Variants in MLKL observed in about 807,000 individuals in gnomAD.
MLKL encodes the protein mixed lineage kinase domain like pseudokinase, also known as mixed lineage kinase domain-like protein.
A neutral mutation model predicts 56.5 loss-of-function variants in MLKL; 55 were observed. That is an observed-to-expected ratio of 0.97 (90% CI 0.78 to 1.22). MLKL has a LOEUF of 1.22. Ranked by LOEUF, MLKL falls within the 50% of genes most tolerant of loss-of-function variation. The pLI is 0.00. For missense variants in MLKL, 694 were observed against 573.9 expected (o/e 1.21, Z -2.14); for synonymous variants, 251 against 208.3 (o/e 1.20, Z -1.76).
Position 74,672,155 on chromosome 16 carries a change from G to T in MLKL, c.*349C>A. 4.8e-6 allele frequency: 1 copy of T among 210,066 alleles called. No homozygotes were observed. Among genetic ancestry groups the T allele is most frequent in the Non-Finnish European group, 9.6e-6 (1 of 103,838 alleles). 13.0% of individuals were successfully genotyped at this position (210,066 alleles called of 1,614,324 possible). A position where few individuals can be genotyped will look rare whatever the true frequency, so the allele number is the denominator to read the frequency against. ...ACAGTCACTTCTTCCACATTCTATT[G>T]ATCAAATCAAGTCACAGTGCCAGCC... is the stretch of plus-strand genomic sequence containing the variant. On this transcript the variant is annotated 3_prime_UTR_variant, in exon 11 of 11. Transcript: ENST00000308807.
chr16:74,672,612 T>C (rs2144433018), intron 10 of MLKL, 74 bp from the exon 11 acceptor site: 1 of 1,366,214 alleles, frequency 7.3e-7, no homozygotes, highest in Non-Finnish European at 1.0e-6. Context: ...AAGACATTTC[T>C]ACATTGCACA....
chr16:74,694,467 G>A (rs1431079867), intron 2 of MLKL, among the ~76,000 whole-genome samples: 1 of 151,980 alleles, frequency 6.6e-6, no homozygotes, highest in Non-Finnish European at 1.5e-5. Context: ...GTGCAATGGA[G>A]AAATCGTGGC....
rs982972897 is a variant in MLKL at position 74,682,866 on chromosome 16, C to A, written c.821-80G>T. 47 of 1,527,548 alleles carry A rather than the reference C, an allele frequency of 3.1e-5. 1 individual carries two copies. The South Asian group carries it at 5.5e-4, about 18-fold the overall frequency. 94.6% of individuals were successfully genotyped at this position (1,527,548 alleles called of 1,614,324 possible). On this transcript the variant is annotated intron_variant, in intron 5 of 10. Transcript: ENST00000308807. ...GTCTGCAGCCCACCTCTCCCAGCCT[C>A]GGTACAGATACAGACTTGGCTCTGC...
rs927002963 is a variant in MLKL at position 74,675,220 on chromosome 16, C to A, written c.1241-120G>T. 3 of 1,549,850 alleles carry A rather than the reference C, an allele frequency of 1.9e-6. No homozygotes were observed. The African/African-American group carries it at 4.1e-5, about 21-fold the overall frequency. Reference sequence around the variant, plus strand: ...GTATGGAAACAACAAGAACTTCCAACGATTCCACTGACCAGCCCAGGCAGT... The same window carrying A: ...GTATGGAAACAACAAGAACTTCCAAAGATTCCACTGACCAGCCCAGGCAGT... On this transcript the variant is annotated intron_variant, in intron 9 of 10. Transcript: ENST00000308807.
At position 74,695,436 on chromosome 16, in the gene MLKL, C is replaced by T; in HGVS notation, c.322G>A (p.Val108Ile). 2 of 1,614,228 alleles carry T rather than the reference C, an allele frequency of 1.2e-6. No homozygotes were observed. Among genetic ancestry groups the T allele is most frequent in the Non-Finnish European group, 1.7e-6 (2 of 1,180,048 alleles). The stretch of plus-strand genomic sequence containing the variant: ...AGTAACAGCGAGAGCTCCTTCCAGA[C>T]ATCACTCAGCTTCCTGTTCACGTCC... ...FKDVNRKLSDVWKELSLLLQV... is the reference protein window; with the variant it reads ...FKDVNRKLSDIWKELSLLLQV... The change falls in exon 2 of 11, where the codon GTC becomes ATC. Residue 108 changes from valine to isoleucine, a missense_variant. Coordinates refer to ENST00000308807, the MANE Select transcript of MLKL (RefSeq NM_152649.4).
intron 1 of MLKL, among the ~76,000 whole-genome samples, chr16:74,698,080 C>T (rs1961159075): frequency 6.6e-6 from 1 of 151,868 alleles, no homozygotes; most frequent in Non-Finnish European, 1.5e-5. Flanking sequence ...TGGTGCTTGC[C>T]TGTAGTCCCA....
intron 4 of MLKL, among the ~76,000 whole-genome samples, chr16:74,690,145 T>C (rs1360827771): frequency 1.3e-5 from 2 of 152,060 alleles, no homozygotes; most frequent in Non-Finnish European, 2.9e-5. Flanking sequence ...AAAACCCAAA[T>C]AACTAAAACA....
intron 2 of MLKL, among the ~76,000 whole-genome samples, chr16:74,692,948 T>C (rs1290505434): frequency 6.6e-6 from 1 of 152,248 alleles, no homozygotes; most frequent in African/African-American, 2.4e-5. Flanking sequence ...CAGCCATCCC[T>C]GTCTGCCCAG....
Position 74,676,123 on chromosome 16 carries a change from C to T in MLKL, c.1039-359G>A, listed in dbSNP as rs559704399. The T allele has an allele frequency of 4.9e-4, 196 of 398,290 alleles. 1 individual carries two copies. The highest frequency in any genetic ancestry group is 4.5e-3 in the Middle Eastern group (4 of 882). 24.7% of individuals were successfully genotyped at this position (398,290 alleles called of 1,614,324 possible). A position where few individuals can be genotyped will look rare whatever the true frequency, so the allele number is the denominator to read the frequency against. On this transcript the variant is annotated intron_variant, in intron 7 of 10. Transcript: ENST00000308807. ...TCTCAGTTGAGGACTGAACTCCACT[C>T]AGTGAGAGTGGAGAGGGGTCATAGA...
Position 74,695,524 on chromosome 16 carries a change from C to G in MLKL, c.234G>C (p.Lys78Asn), listed in dbSNP as rs767010693. 2.5e-6 allele frequency: 4 copies of G among 1,614,214 alleles called. No individual in the cohort carries two copies. Among genetic ancestry groups the G allele is most frequent in the South Asian group, 1.1e-5 (1 of 91,082 alleles). ...ALEEANGEIE[K>N]FSNRSNICRF... ...TGCAGATATTGGATCTATTGCTGAA[C>G]TTTTCTATCTCCCCATTAGCCTCCT... The change falls in exon 2 of 11, where the codon AAG (lysine) becomes AAC (asparagine). Residue 78 changes from lysine to asparagine, a missense_variant. Transcript: ENST00000308807.
chr16:74,691,447 G>C lies in MLKL; in HGVS notation c.552C>G (p.Cys184Trp). 2 of 1,613,252 alleles carry C rather than the reference G, an allele frequency of 1.2e-6. No homozygotes were observed. The highest frequency in any genetic ancestry group is 4.5e-5 in the East Asian group (2 of 44,856). ...TTTGCTCTTGCGGGATCTCCTGCAT[G>C]CATTTTGGTGGTAAATCTGACCTCA... ...ETLRQYLPPK[C>W]MQEIPQEQIK... Residue 184 changes from cysteine to tryptophan, a missense_variant, in exon 4 of 11, where the codon TGC (cysteine) becomes TGG (tryptophan). Physicochemically the swap from Cys to Trp is radical, Grantham distance 215. Coordinates refer to ENST00000308807, the MANE Select transcript of MLKL (RefSeq NM_152649.4).
chr16:74,691,168 C>A, intron 4 of MLKL, 109 bp downstream of exon 4: 1 of 1,021,384 alleles, frequency 9.8e-7, no homozygotes, highest in Non-Finnish European at 1.4e-6. Context: ...ATAATTTAAC[C>A]CTTTAGGGCC....
chr16:74,688,698 G>A (rs1452485806), intron 4 of MLKL, among the ~76,000 whole-genome samples: 1 of 152,074 alleles, frequency 6.6e-6, no homozygotes, highest in Non-Finnish European at 1.5e-5. Flanking sequence ...GGGTGACAGA[G>A]CAAGACTCCA....
At chr16:74,688,343 C>G (rs932572204) in intron 4 of MLKL, among the ~76,000 whole-genome samples, 13 of 152,138 alleles carry the variant, frequency 8.5e-5, no homozygotes, top group Admixed American at 3.3e-4. Context: ...TGAATGACTA[C>G]CTTATACAAT....
intron 9 of MLKL, 69 bp downstream of exon 9, chr16:74,675,286 G>A (rs767194455): frequency 6.2e-7 from 1 of 1,607,658 alleles, no homozygotes; most frequent in South Asian, 1.1e-5. Flanking sequence ...AGCACTGATG[G>A]GGAATTTCTG....
intron 7 of MLKL, chr16:74,678,499 C>G (rs1959744476): frequency 5.6e-6 from 1 of 178,702 alleles, no homozygotes; most frequent in Non-Finnish European, 1.2e-5. Flanking sequence ...AAAACCAAGG[C>G]AAGGCCGGGC....
At chr16:74,694,376 G>C (rs889642204) in intron 2 of MLKL, among the ~76,000 whole-genome samples, 1 of 152,164 alleles carries the variant, frequency 6.6e-6, no homozygotes, top group Non-Finnish European at 1.5e-5. Flanking sequence ...CTGAGGTCAA[G>C]GAGGGAGATT....
intron 5 of MLKL, among the ~76,000 whole-genome samples, chr16:74,683,405 G>A (rs954093047): frequency 6.6e-6 from 1 of 151,728 alleles, no homozygotes; most frequent in Non-Finnish European, 1.5e-5. Context: ...AGACCAGCCT[G>A]GCCAACATGA....
At chr16:74,682,282 T>C (rs1960025332) in intron 6 of MLKL, among the ~76,000 whole-genome samples, 2 of 152,194 alleles carry the variant, frequency 1.3e-5, no homozygotes, top group African/African-American at 2.4e-5. Flanking sequence ...TTTTGATATT[T>C]AGTATAAGTA....
Sources: gnomAD v4.1 joint callset for allele counts (sites outside exome capture counted in the v4.1 genomes callset) on GRCh38, gnomAD v4.1.1 for gene constraint, MANE v1.5 for transcripts, NCBI Gene and HGNC (gene_info 2026-07-23, HGNC 2026-07-21) for gene names.